RPTOR: variants seen among roughly 807,000 people sequenced by gnomAD.
RPTOR encodes the protein regulatory associated protein of MTOR complex 1.
A neutral mutation model predicts 169.9 loss-of-function variants in RPTOR; 21 were observed. That is an observed-to-expected ratio of 0.12 (90% CI 0.09 to 0.18). The LOEUF (loss-of-function observed/expected upper bound fraction) is 0.18. RPTOR is among the 10% of genes least tolerant of loss of function. RPTOR has a pLI of 1.00. For synonymous variants in RPTOR, 732 were observed against 753.2 expected (o/e 0.97, Z 0.46); for missense variants, 1,133 against 1,855.9 (o/e 0.61, Z 7.16).
intron 5 of RPTOR, among the ~76,000 whole-genome samples, chr17:80,745,605 G>A (rs569344777): frequency 1.3e-5 from 2 of 152,332 alleles, no homozygotes; most frequent in Non-Finnish European, 2.9e-5. Flanking sequence ...TATTAATAGA[G>A]TTGGATAAGT....
At chr17:80,585,584 C>T (rs761498597) in intron 1 of RPTOR, among the ~76,000 whole-genome samples, 18 of 152,202 alleles carry the variant, frequency 1.2e-4, no homozygotes, top group Non-Finnish European at 2.2e-4. Flanking sequence ...CCTACAGCCC[C>T]GGGCACACGG....
intron 17 of RPTOR, among the ~76,000 whole-genome samples, chr17:80,886,104 C>T (rs902836041): frequency 1.8e-4 from 28 of 152,332 alleles, no homozygotes; most frequent in Admixed American, 1.5e-3. Flanking sequence ...CACCCTCGTG[C>T]GTTCCCGTGC....
intron 1 of RPTOR, among the ~76,000 whole-genome samples, chr17:80,565,858 T>G (rs2084580355): frequency 3.3e-5 from 5 of 152,224 alleles, no homozygotes; most frequent in Admixed American, 3.3e-4. Context: ...ACCAAATTCT[T>G]TGGGTGTTAA....
At chr17:80,740,737 C>T (rs1419595187) in intron 5 of RPTOR, among the ~76,000 whole-genome samples, 1 of 152,052 alleles carries the variant, frequency 6.6e-6, no homozygotes, top group African/African-American at 2.4e-5. Context: ...AAAAAACTTT[C>T]AGTGAACTAA....
At chr17:80,745,932 C>T (rs1375812860) in intron 5 of RPTOR, among the ~76,000 whole-genome samples, 2 of 152,142 alleles carry the variant, frequency 1.3e-5, no homozygotes, top group Admixed American at 1.3e-4. Flanking sequence ...GAGGCCAAGG[C>T]GGGTGGATCA....
At chr17:80,639,825 G>C (rs191440263) in intron 2 of RPTOR, among the ~76,000 whole-genome samples, 1 of 152,308 alleles carries the variant, frequency 6.6e-6, no homozygotes, top group African/African-American at 2.4e-5. Flanking sequence ...AAGGTGAAAT[G>C]GATAGGATGG....
chr17:80,634,134 A>ATACTGTGTGCGTGTGCG (rs1328276466), intron 2 of RPTOR, among the ~76,000 whole-genome samples: 2 of 138,574 alleles, frequency 1.4e-5, no homozygotes, highest in Admixed American at 1.4e-4. Flanking sequence ...GTGTGTGTGC[A>ATACTGTGTGCGTGTGCG]TACTGTGTGC....
At chr17:80,593,230 G>C (rs2065120542) in intron 1 of RPTOR, 1 of 154,326 alleles carries the variant, frequency 6.5e-6, no homozygotes, top group African/African-American at 2.4e-5. Context: ...GCTTTCAACT[G>C]TAAATTAAAT....
intron 10 of RPTOR, among the ~76,000 whole-genome samples, chr17:80,840,171 C>G (rs984298219): frequency 6.6e-6 from 1 of 152,182 alleles, no homozygotes; most frequent in Non-Finnish European, 1.5e-5. Flanking sequence ...TCCTCCCTTC[C>G]CCAGCAGTGG....
intron 19 of RPTOR, among the ~76,000 whole-genome samples, chr17:80,893,103 A>G (rs907284375): frequency 1.3e-5 from 2 of 152,204 alleles, no homozygotes; most frequent in African/African-American, 4.8e-5. Flanking sequence ...CAGGGAGCTC[A>G]AGCGCAGCCG....
At chr17:80,553,827 C>T (rs1303722689) in intron 1 of RPTOR, among the ~76,000 whole-genome samples, 3 of 151,928 alleles carry the variant, frequency 2.0e-5, no homozygotes, top group East Asian at 1.9e-4. Flanking sequence ...CTGCAACCTC[C>T]GCCTCCCAGG....
At chr17:80,696,699 A>T (rs2066039780) in intron 3 of RPTOR, among the ~76,000 whole-genome samples, 1 of 152,190 alleles carries the variant, frequency 6.6e-6, no homozygotes, top group Non-Finnish European at 1.5e-5. Flanking sequence ...TGCAGCAGGG[A>T]TGCCGCCGAA....
At position 80,925,420 on chromosome 17, in the gene RPTOR, C is replaced by T; in HGVS notation, c.2859C>T (p.Ala953=). Residue 953 remains alanine, a synonymous_variant, in exon 24 of 34, where the codon GCC becomes GCT. Coordinates refer to ENST00000306801, the MANE Select transcript of RPTOR (RefSeq NM_020761.3). ...CTGGACACAAAAGTTTCATCTCCGC[C>T]ACGGTGCAGACGGGGTTCTGCGACT... ...DAAGHKSFIS[A]TVQTGFCDWS... is the part of the protein sequence containing the mutation. 2 of 1,613,742 alleles carry T rather than the reference C, an allele frequency of 1.2e-6. No individual in the cohort carries two copies. Among genetic ancestry groups the T allele is most frequent in the African/African-American group, 1.3e-5 (1 of 75,060 alleles).
At chr17:80,598,497 G>T (rs1180121704) in intron 1 of RPTOR, among the ~76,000 whole-genome samples, 1 of 152,188 alleles carries the variant, frequency 6.6e-6, no homozygotes, top group Non-Finnish European at 1.5e-5. Flanking sequence ...AGACAAAAAG[G>T]TTTTTAAAAA....
In RPTOR at chr17:80,891,732, G is replaced by A. The variant is rs1235798338; in HGVS notation, c.1996G>A (p.Ala666Thr). Residue 666 changes from alanine (A) to threonine (T), a missense_variant, in exon 18 of 34, where the codon GCT (alanine) becomes ACT (threonine). Coordinates refer to ENST00000306801, the MANE Select transcript of RPTOR (RefSeq NM_020761.3). ...TCCCTCTCGGCAGGAGCTGGTGGTGGCTCTGAGTCATCTTGTGGTTCAGTA... is the reference window on the plus strand; with the variant it reads ...TCCCTCTCGGCAGGAGCTGGTGGTGACTCTGAGTCATCTTGTGGTTCAGTA... ...SPMVRKELVV[A>T]LSHLVVQYES... 1.2e-6 allele frequency: 2 copies of A among 1,612,764 alleles called. No individual in the cohort carries two copies. Among genetic ancestry groups the A allele is most frequent in the Non-Finnish European group, 1.7e-6 (2 of 1,178,868 alleles).
In RPTOR at chr17:80,883,840, C is replaced by G. The variant is rs138473669; in HGVS notation, c.1710C>G (p.His570Gln). The G allele has an allele frequency of 6.2e-7, 1 of 1,613,764 alleles. No individual in the cohort carries two copies. Among genetic ancestry groups the G allele is most frequent in the Non-Finnish European group, 8.5e-7 (1 of 1,180,050 alleles). The change falls in exon 16 of 34, where the codon CAC becomes CAG. Residue 570 changes from histidine to glutamine, a missense_variant. This residue lies in a region of RPTOR where 289 missense variants were observed against 585.8 expected (regional missense o/e 0.49). Transcript: ENST00000306801. ...AICLEQLNDP[H>Q]PLLRQWVAIC... is the part of the protein sequence containing the mutation. ...GCCTGGAGCAGCTCAACGACCCGCA[C>G]CCCTTGCTGCGCCAGTGGGTGGCCA... is the stretch of plus-strand genomic sequence containing the variant.
intron 10 of RPTOR, among the ~76,000 whole-genome samples, chr17:80,843,744 G>A (rs76898455): frequency 0.024 from 3,728 of 152,298 alleles, 172 homozygotes; most frequent in African/African-American, 0.086. Context: ...ATGTCCAGAT[G>A]GTGAGAAAGG....
chr17:80,632,361 G>A (rs1424851492), intron 2 of RPTOR, among the ~76,000 whole-genome samples: 2 of 152,228 alleles, frequency 1.3e-5, no homozygotes, highest in Admixed American at 1.3e-4. Flanking sequence ...TCGGGGTTGT[G>A]TAGGTGTCAT....
At chr17:80,950,813 G>C (rs2069166700) in intron 28 of RPTOR, among the ~76,000 whole-genome samples, 2 of 152,220 alleles carry the variant, frequency 1.3e-5, no homozygotes, top group South Asian at 4.1e-4. Context: ...TGTGTCATTT[G>C]CTAGAGAGGA....
Sources: allele counts gnomAD v4.1 joint callset (sites outside exome capture counted in the v4.1 genomes callset), GRCh38; gene constraint gnomAD v4.1.1; regional missense constraint gnomAD v4.1.1; transcripts MANE v1.5; gene names NCBI Gene and HGNC (gene_info 2026-07-23, HGNC 2026-07-21).